Variants in CRPPA observed in about 807,000 individuals in gnomAD.
The protein encoded by CRPPA is CDP-L-ribitol pyrophosphorylase A.
Under a neutral mutation model 52.0 loss-of-function variants are expected in CRPPA, and 43 were observed. The ratio of observed to expected loss-of-function variants is 0.83; its 90% CI spans 0.65 to 1.07. The LOEUF (loss-of-function observed/expected upper bound fraction) is 1.07, where lower values mean the gene tolerates loss of function less well. Ranked by LOEUF, CRPPA falls within the 50% of genes least tolerant of loss-of-function variation. CRPPA has a pLI of 0.00. For missense variants in CRPPA, 629 were observed against 551.7 expected (o/e 1.14, Z -1.40); for synonymous variants, 250 against 203.5 (o/e 1.23, Z -1.94).
chr7:16,131,220 G>A (rs115661118), intron 9 of CRPPA, among the ~76,000 whole-genome samples: 1,756 of 152,260 alleles, frequency 0.012, 40 homozygotes, highest in African/African-American at 0.04. Context: ...TAGAGACTGA[G>A]TTTTGAGGTG....
chr7:16,216,791 C>T (rs369880716), intron 8 of CRPPA, among the ~76,000 whole-genome samples: 2 of 152,172 alleles, frequency 1.3e-5, no homozygotes, highest in South Asian at 2.1e-4. Flanking sequence ...GAGGGTCCTA[C>T]GCCCACGGAG....
rs1248097687 is a variant in CRPPA, at chr7:16,398,276, T to C, written c.534+7785A>G. 3.3e-5 allele frequency among the ~76,000 whole-genome samples: 5 copies of C among 151,068 alleles called. 1 individual carries two copies. Among genetic ancestry groups the C allele is most frequent in the Admixed American group, 2.0e-4 (3 of 15,216 alleles). Reference sequence around the variant, plus strand: ...TGACTCACACGTGACCAGTGCATGATTGACAAGACAAACACGTGACTGACA... The same window carrying C: ...TGACTCACACGTGACCAGTGCATGACTGACAAGACAAACACGTGACTGACA... On this transcript the variant is annotated intron_variant, in intron 2 of 9. Coordinates refer to ENST00000407010, the MANE Select transcript of CRPPA (RefSeq NM_001101426.4).
At chr7:16,136,969 C>T (rs1164919045) in intron 9 of CRPPA, among the ~76,000 whole-genome samples, 7 of 152,176 alleles carry the variant, frequency 4.6e-5, no homozygotes, top group Non-Finnish European at 8.8e-5. Flanking sequence ...TTAAAAACAA[C>T]AAAATCAAGG....
intron 2 of CRPPA, among the ~76,000 whole-genome samples, chr7:16,387,090 C>CATATATATATATATATAT (rs1463920056): frequency 7.0e-5 from 3 of 43,160 alleles, no homozygotes; most frequent in African/African-American, 2.8e-4. Context: ...TATATATACA[C>CATATATATATATATATAT]ACATATATAT....
At chr7:16,277,954 G>A (rs931475307) in intron 6 of CRPPA, among the ~76,000 whole-genome samples, 175 bp downstream of exon 6, 1 of 152,156 alleles carries the variant, frequency 6.6e-6, no homozygotes, top group Non-Finnish European at 1.5e-5. Flanking sequence ...TGAAAAGGGG[G>A]ATGGAGTATG....
At chr7:16,412,697 T>C (rs1028425256) in intron 1 of CRPPA, among the ~76,000 whole-genome samples, 2 of 152,182 alleles carry the variant, frequency 1.3e-5, no homozygotes, top group African/African-American at 4.8e-5. Flanking sequence ...CGATCAAATA[T>C]TTGCTGAATA....
In CRPPA at chr7:16,231,532, C is replaced by A. The variant is rs59670548; in HGVS notation, c.1120-15335G>T. Among the ~76,000 whole-genome samples, 2,807 of 152,270 alleles carry A rather than the reference C, an allele frequency of 0.018. 115 individuals are homozygous for A. In the East Asian group the frequency reaches 0.19, roughly 10 times the overall value. On this transcript the variant is annotated intron_variant, in intron 8 of 9. Coordinates refer to ENST00000407010, the MANE Select transcript of CRPPA (RefSeq NM_001101426.4). ...ATCATTAATTTACACATCCATACTG[C>A]AAAGGAATTTTTATTCCTACCTAAC...
chr7:16,346,447 G>A (rs555911965), intron 3 of CRPPA, among the ~76,000 whole-genome samples: 2 of 152,056 alleles, frequency 1.3e-5, no homozygotes, highest in African/African-American at 2.4e-5. Context: ...AGTCAGGCTT[G>A]TAATGTGCTA....
At chr7:16,107,658 A>G (rs1782183625) in intron 9 of CRPPA, among the ~76,000 whole-genome samples, 1 of 152,114 alleles carries the variant, frequency 6.6e-6, no homozygotes, top group South Asian at 2.1e-4. Flanking sequence ...AATTAATAAT[A>G]TGAACTATAA....
intron 9 of CRPPA, among the ~76,000 whole-genome samples, chr7:16,169,532 G>A (rs1781134608): frequency 6.6e-6 from 1 of 152,192 alleles, no homozygotes. Flanking sequence ...AGTATTCATA[G>A]GAGAATGCTC....
At chr7:16,321,234 T>TCA (rs2128427426) in intron 3 of CRPPA, among the ~76,000 whole-genome samples, 1 of 152,270 alleles carries the variant, frequency 6.6e-6, no homozygotes, top group Non-Finnish European at 1.5e-5. Context: ...TAACTGTCTT[T>TCA]TTAGACATTT....
chr7:16,379,134 G>T (rs1409171767), intron 2 of CRPPA, among the ~76,000 whole-genome samples: 1 of 152,146 alleles, frequency 6.6e-6, no homozygotes, highest in Non-Finnish European at 1.5e-5. Flanking sequence ...TGTCAATTCT[G>T]GCCTTTGTTG....
At chr7:16,140,868 A>G (rs557364586) in intron 9 of CRPPA, among the ~76,000 whole-genome samples, 2 of 152,214 alleles carry the variant, frequency 1.3e-5, no homozygotes, top group East Asian at 3.9e-4. Flanking sequence ...TGTTTATCGA[A>G]CTCTTTTTTG....
At chr7:16,399,364 G>A (rs1052585189) in intron 2 of CRPPA, among the ~76,000 whole-genome samples, 15 of 151,902 alleles carry the variant, frequency 9.9e-5, no homozygotes, top group South Asian at 2.1e-4. Context: ...CATGATTGAC[G>A]TGACACATTT....
At chr7:16,397,354 GTGAC>G (rs1177590717) in intron 2 of CRPPA, among the ~76,000 whole-genome samples, 4 of 152,198 alleles carry the variant, frequency 2.6e-5, no homozygotes, top group Admixed American at 6.5e-5. Context: ...TGTGTTACAG[GTGAC>G]TGACGTGTGT....
chr7:16,141,890 T>C (rs1256361107), intron 9 of CRPPA, among the ~76,000 whole-genome samples: 1 of 152,174 alleles, frequency 6.6e-6, no homozygotes, highest in Non-Finnish European at 1.5e-5. Context: ...CCTGTCACCC[T>C]ACTATCCCAG....
At chr7:16,292,203 C>T (rs1784578113) in intron 5 of CRPPA, among the ~76,000 whole-genome samples, 2 of 151,882 alleles carry the variant, frequency 1.3e-5, no homozygotes, top group Admixed American at 6.6e-5. Context: ...AGATATAGAA[C>T]TTAAAAGTTT....
At chr7:16,105,731 G>A (rs1005955570) in intron 9 of CRPPA, among the ~76,000 whole-genome samples, 5 of 152,032 alleles carry the variant, frequency 3.3e-5, no homozygotes, top group East Asian at 1.9e-4. Context: ...CCTAGACATC[G>A]TAAGTCATCC....
At chr7:16,389,928 A>AAAAATATATATATATAT in intron 2 of CRPPA, among the ~76,000 whole-genome samples, 2 of 29,758 alleles carry the variant, frequency 6.7e-5, no homozygotes, top group African/African-American at 1.7e-4. Context: ...AAAAAAAAAA[A>AAAAATATATATATATAT]ATATATATAT....
Sources: allele counts gnomAD v4.1 joint callset (sites outside exome capture counted in the v4.1 genomes callset), GRCh38; gene constraint gnomAD v4.1.1; transcripts MANE v1.5; gene names NCBI Gene and HGNC (gene_info 2026-07-23, HGNC 2026-07-21).